The following TULP1 variants were observed in gnomAD, a reference collection of about 807,000 sequenced individuals.
TULP1 encodes tubby-related protein 1.
Under a neutral mutation model 67.1 loss-of-function variants are expected in TULP1, and 50 were observed. The observed-to-expected ratio is 0.75, with a 90% CI of 0.59 to 0.94. The LOEUF (loss-of-function observed/expected upper bound fraction) is 0.94. TULP1 is among the 40% of genes least tolerant of loss of function. The pLI is 0.00. For missense variants in TULP1, 746 were observed against 734.1 expected, an observed-to-expected ratio of 1.02 and a Z score of -0.19; for synonymous variants, 297 against 294.0, an observed-to-expected ratio of 1.01 and a Z score of -0.11.
At chr6:35,509,176 G>A in intron 8 of TULP1, 33 bp downstream of exon 8, 1 of 1,594,196 alleles carries the variant, frequency 6.3e-7, no homozygotes, top group Non-Finnish European at 8.6e-7. Flanking sequence ...CTCCCTGAAG[G>A]GACCTCAGCC....
chr6:35,511,461 G>C (rs770567605), intron 4 of TULP1, among the ~76,000 whole-genome samples, 187 bp downstream of exon 4: 2 of 152,128 alleles, frequency 1.3e-5, no homozygotes, highest in South Asian at 2.1e-4. Flanking sequence ...AATGGTGGAG[G>C]GGGGGAACAA....
In TULP1 at chr6:35,500,079, G is replaced by A. The variant is rs1581735997; in HGVS notation, c.1397C>T (p.Pro466Leu). Residue 466 changes from proline (P) to leucine (L), a missense_variant, in exon 14 of 15, where the codon CCT (proline) becomes CTT (leucine). Coordinates refer to ENST00000229771, the MANE Select transcript of TULP1 (RefSeq NM_003322.6). ...ESLIELHNKP[P>L]VWNDDSGSYT... ...GGAGCCACTGTCATCGTTCCAGACA[G>A]GTGGCTTGTTGTGCAGTTCTATGAG... is the stretch of plus-strand genomic sequence containing the variant. 6.2e-7 allele frequency: 1 copy of A among 1,614,200 alleles called. No individual in the cohort carries two copies. The highest frequency in any genetic ancestry group is 8.5e-7 in the Non-Finnish European group (1 of 1,180,034).
At chr6:35,501,351 A>T (rs2150923074) in intron 13 of TULP1, among the ~76,000 whole-genome samples, 1 of 152,108 alleles carries the variant, frequency 6.6e-6, no homozygotes, top group East Asian at 1.9e-4. Context: ...AAAACTAGCC[A>T]GGTATGGTGG....
chr6:35,504,226 C>T, intron 11 of TULP1: 1 of 269,874 alleles, frequency 3.7e-6, no homozygotes, highest in Non-Finnish European at 7.3e-6. Context: ...GTAGTCCCAG[C>T]TACTCAGGAG....
chr6:35,499,872 G>A (rs1303647552), intron 14 of TULP1, 109 bp downstream of exon 14: 6 of 1,373,382 alleles, frequency 4.4e-6, no homozygotes, highest in Admixed American at 3.4e-5. Context: ...CCCAGCTCTC[G>A]GGATAAAGGC....
rs750175118 is a variant in TULP1 at position 35,503,583 on chromosome 6, C to T, written c.1299G>A (p.Glu433=). The part of the protein sequence containing the change: ...VIIPGMSAEN[E]RVPIRPRNAS... ...CATTTCGGGGCCGGATGGGGACCCTCTCGTTCTCCGCACTCATGCCAGGAA... is the reference window on the plus strand; with the variant it reads ...CATTTCGGGGCCGGATGGGGACCCTTTCGTTCTCCGCACTCATGCCAGGAA... Residue 433 remains glutamate (E), a synonymous_variant, in exon 13 of 15, where the codon GAG becomes GAA. Transcript: ENST00000229771. The surrounding 1 kb of genome is among the most constrained non-coding windows in gnomAD (Gnocchi z 4.0). The T allele has an allele frequency of 6.3e-7, 1 of 1,584,972 alleles. No individual in the cohort carries two copies. Among genetic ancestry groups the T allele is most frequent in the Non-Finnish European group, 8.6e-7 (1 of 1,165,702 alleles).
chr6:35,504,752 G>A (rs1761047081), intron 11 of TULP1, among the ~76,000 whole-genome samples: 1 of 150,872 alleles, frequency 6.6e-6, no homozygotes, highest in Non-Finnish European at 1.5e-5. Context: ...ATTTTTAGTA[G>A]AGACGGGGTT....
rs745480849 is a variant in TULP1 at position 35,511,787 on chromosome 6, C to T, written c.210G>A (p.Pro70=). 3.8e-6 allele frequency: 6 copies of T among 1,566,142 alleles called. No homozygotes were observed. Among genetic ancestry groups the T allele is most frequent in the South Asian group, 2.3e-5 (2 of 85,464 alleles). ...CTGGGTCTGGGGAAGGCTCCTCCCG[C>T]GGCCTCCCCGTCCGCCCAGCTGAGC... ...RKPGAGRTGR[P]REEPSPDPAQ... Residue 70 remains proline, a synonymous_variant, in exon 4 of 15, where the codon CCG becomes CCA. Transcript: ENST00000229771.
intron 5 of TULP1, 34 bp from the exon 6 acceptor site, chr6:35,509,962 G>T (rs1348524993): frequency 1.2e-6 from 2 of 1,603,584 alleles, no homozygotes; most frequent in Admixed American, 1.7e-5. Flanking sequence ...GGCAAAGAAG[G>T]TGTCTACTGG....
At chr6:35,511,206 G>C (rs1761193605) in intron 4 of TULP1, among the ~76,000 whole-genome samples, 196 bp from the exon 5 acceptor site, 1 of 152,094 alleles carries the variant, frequency 6.6e-6, no homozygotes, top group African/African-American at 2.4e-5. Flanking sequence ...TGCAAATCAG[G>C]GGAGTGGCTG....
intron 5 of TULP1, 136 bp from the exon 6 acceptor site, chr6:35,510,064 CT>C (rs1257274889): frequency 0.028 from 14,627 of 526,700 alleles, no homozygotes; most frequent in East Asian, 0.035. Context: ...CCTTCTTTTT[CT>C]TTTTTTTTTT....
chr6:35,505,508 A>C, intron 11 of TULP1: 1 of 1,242,660 alleles, frequency 8.0e-7, no homozygotes, highest in Non-Finnish European at 1.1e-6. Flanking sequence ...CAGTGTGGGC[A>C]TCGCCTGGGT....
At chr6:35,505,657 C>G (rs1462524152) in intron 11 of TULP1, 84 bp downstream of exon 11, 1 of 1,576,552 alleles carries the variant, frequency 6.3e-7, no homozygotes, top group African/African-American at 1.3e-5. Context: ...GGTGGGTGCT[C>G]TACCAGGCAC....
chr6:35,509,937 G>A lies in TULP1; in HGVS notation c.500-9C>T, dbSNP rs1159970813. The A allele has an allele frequency of 1.2e-6, 2 of 1,613,432 alleles. No individual in the cohort carries two copies. Among genetic ancestry groups the A allele is most frequent in the East Asian group, 4.5e-5 (2 of 44,878 alleles). ...AGGGCTTCCCAGGTCTCCTGGAAAT[G>A]GAAGATGGGGGTCAGGCAAAGAAGG... On this transcript the variant is annotated splice_polypyrimidine_tract_variant and intron_variant, in intron 5 of 14. Coordinates refer to ENST00000229771, the MANE Select transcript of TULP1 (RefSeq NM_003322.6).
chr6:35,504,726 A>T (rs909979983), intron 11 of TULP1, among the ~76,000 whole-genome samples: 8 of 143,348 alleles, frequency 5.6e-5, no homozygotes, highest in African/African-American at 2.0e-4. Context: ...CGCTGGGCTA[A>T]TTTTTTTTTT....
chr6:35,497,928 T>C lies in TULP1; in HGVS notation c.*399A>G, dbSNP rs2090862224. On this transcript the variant is annotated 3_prime_UTR_variant, in exon 15 of 15. Transcript: ENST00000229771. ...GTGGGTGCCTGGCCCTCGTCCCCCA[T>C]CACCTACCCCCTCCTCCTAGCCCGC... 3.5e-6 allele frequency: 1 copy of C among 282,488 alleles called. No individual in the cohort carries two copies. The highest frequency in any genetic ancestry group is 4.8e-5 in the Admixed American group (1 of 20,974). The allele number at this position is 282,488 out of a possible 1,614,324, so 17.5% of individuals were successfully genotyped here. A position where few individuals can be genotyped will look rare whatever the true frequency, so the allele number is the denominator to read the frequency against.
rs1439632345 is a variant in TULP1, at chr6:35,503,967, C to T, written c.1113-119G>A. 6 of 734,286 alleles carry T rather than the reference C, an allele frequency of 8.2e-6. No homozygotes were observed. The highest frequency in any genetic ancestry group is 1.4e-5 in the Non-Finnish European group (6 of 435,048). 45.5% of individuals were successfully genotyped at this position (734,286 alleles called of 1,614,324 possible). A position where few individuals can be genotyped will look rare whatever the true frequency, so the allele number is the denominator to read the frequency against. ...CTACAAGGGTGGGGGTGAGTTAGGA[C>T]TGAGCAATTCATGTCCCCTGCCCCA... On this transcript the variant is annotated intron_variant, in intron 11 of 14. Coordinates refer to ENST00000229771, the MANE Select transcript of TULP1 (RefSeq NM_003322.6). This position sits in a 1 kb window ranked among gnomAD's most constrained non-coding sequence, Gnocchi z 4.0.
At position 35,498,274 on chromosome 6, in the gene TULP1, GA is replaced by G. The variant is rs1768744669; in HGVS notation, c.*52del. The G allele has an allele frequency of 1.2e-6, 2 of 1,603,608 alleles. No homozygotes were observed. The highest frequency in any genetic ancestry group is 1.7e-6 in the Non-Finnish European group (2 of 1,177,424). ...TGGAGGGACCCTGCCAGCCTCCACT[GA>G]ATCCTTTCCCCCACGCTGACGGGCT... On this transcript the variant is annotated 3_prime_UTR_variant, in exon 15 of 15. Coordinates refer to ENST00000229771, the MANE Select transcript of TULP1 (RefSeq NM_003322.6). The surrounding 1 kb of genome is among the most constrained non-coding windows in gnomAD (Gnocchi z 6.7).
At chr6:35,507,595 CT>C (rs915774000) in intron 8 of TULP1, among the ~76,000 whole-genome samples, 3 of 152,154 alleles carry the variant, frequency 2.0e-5, no homozygotes, top group African/African-American at 7.2e-5. Context: ...CTAGGGTGGC[CT>C]GGTGACCCCA....
Sources: allele counts gnomAD v4.1 joint callset (sites outside exome capture counted in the v4.1 genomes callset), GRCh38; gene constraint gnomAD v4.1.1; non-coding constraint Gnocchi (gnomAD v3.1); transcripts MANE v1.5; gene names NCBI Gene and HGNC (gene_info 2026-07-23, HGNC 2026-07-21).